Variants in PRDM1 observed in about 807,000 individuals in gnomAD.
PRDM1 encodes PR/SET domain 1, also known as PR domain zinc finger protein 1.
PRDM1 carries 13 observed loss-of-function variants against 62.8 expected under a neutral mutation model. The observed-to-expected ratio is 0.21, with a 90% confidence interval of 0.13 to 0.33. The LOEUF (loss-of-function observed/expected upper bound fraction) is 0.33, where lower values mean the gene tolerates loss of function less well. Ranked by LOEUF, PRDM1 falls within the 10% of genes least tolerant of loss-of-function variation. The pLI, the probability that PRDM1 is intolerant of heterozygous loss-of-function variation, is 1.00. For missense variants in PRDM1, 895 were observed against 1,058.8 expected (o/e 0.85, Z 2.15); for synonymous variants, 396 against 417.6 (o/e 0.95, Z 0.63).
chr6:106,069,473 A>G (rs1167965292), intron 1 of PRDM1, among the ~76,000 whole-genome samples: 7 of 152,206 alleles, frequency 4.6e-5, no homozygotes, highest in Non-Finnish European at 1.0e-4. Context: ...AGCAATAGAT[A>G]CCTGGAATGT....
rs139624112 is a variant in PRDM1, at chr6:106,108,572, T to C, written c.*1086T>C. On this transcript the variant is annotated 3_prime_UTR_variant, in exon 7 of 7. Coordinates refer to ENST00000369096, the MANE Select transcript of PRDM1 (RefSeq NM_001198.4). ...TCAAAATTGCACAAACATGGTGCTCTACCAGGAAGGATTCGAGGTAGATAG... is the reference window on the plus strand; with the variant it reads ...TCAAAATTGCACAAACATGGTGCTCCACCAGGAAGGATTCGAGGTAGATAG... 9.2e-6 allele frequency: 2 copies of C among 217,950 alleles called. No individual in the cohort carries two copies. Among genetic ancestry groups the C allele is most frequent in the Admixed American group, 6.1e-5 (1 of 16,388 alleles). The allele number at this position is 217,950 out of a possible 1,614,324, so 13.5% of individuals were successfully genotyped here.
chr6:106,083,126 C>T (rs1773720665), upstream of PRDM1, among the ~76,000 whole-genome samples: 1 of 151,326 alleles, frequency 6.6e-6, no homozygotes, highest in African/African-American at 2.4e-5. Flanking sequence ...GCCTCAGTGC[C>T]CCTCTCTCAG....
Position 105,994,036 on chromosome 6 carries a change from G to A in PRDM1, c.-67+397G>A, listed in dbSNP as rs1439526811. 6.6e-6 allele frequency among the ~76,000 whole-genome samples: 1 copy of A among 152,194 alleles called. No homozygotes were observed. The highest frequency in any genetic ancestry group is 2.4e-5 in the African/African-American group (1 of 41,464). ...GTGAACGGGGGTAAGGTATTTATTT[G>A]TACGCTAGTTGAAGTGGGGCAGGAG... On this transcript the variant is annotated intron_variant, in intron 1 of 6. Coordinates refer to the PRDM1 transcript ENST00000652320. This position sits in a 1 kb window ranked among gnomAD's most constrained non-coding sequence, Gnocchi z 4.1.
At chr6:106,088,055 C>A in intron 1 of PRDM1, 146 bp from the exon 2 acceptor site, 1 of 795,142 alleles carries the variant, frequency 1.3e-6, no homozygotes, top group Non-Finnish European at 1.7e-6. Flanking sequence ...TTACTTTATA[C>A]GGCTTCTTGG....
At chr6:106,104,769 T>A (rs1026010575) in intron 4 of PRDM1, 56 bp from the exon 5 acceptor site, 31 of 1,529,040 alleles carry the variant, frequency 2.0e-5, no homozygotes, top group Non-Finnish European at 2.7e-5. Flanking sequence ...ACTTTGGCAG[T>A]TTTGCTTCAG....
In PRDM1 at chr6:106,107,274, G is replaced by A; in HGVS notation, c.2266G>A (p.Glu756Lys). 1 of 1,614,210 alleles carries A rather than the reference G, an allele frequency of 6.2e-7. No individual in the cohort carries two copies. Among genetic ancestry groups the A allele is most frequent in the Non-Finnish European group, 8.5e-7 (1 of 1,180,036 alleles). ...EDDISVISVV[E>K]KEILAVVRKE... ...TGACATCAGTGTGATCTCTGTAGTG[G>A]AGAAGGAAATTCTGGCCGTGGTCAG... Residue 756 changes from glutamate to lysine, a missense_variant, in exon 7 of 7, where the codon GAG (glutamate) becomes AAG (lysine). By Grantham distance (56) the Glu-to-Lys change is moderately conservative. This residue lies in a region of PRDM1 where 164 missense variants were observed against 179.9 expected (regional missense o/e 0.91). Coordinates refer to ENST00000369096, the MANE Select transcript of PRDM1 (RefSeq NM_001198.4).
intron 1 of PRDM1, among the ~76,000 whole-genome samples, chr6:106,014,291 C>A (rs905419493): frequency 6.6e-6 from 1 of 151,770 alleles, no homozygotes; most frequent in Non-Finnish European, 1.5e-5. Flanking sequence ...AACTTCTGGG[C>A]TCAAGTAATC....
chr6:106,041,896 C>T (rs1414207591), intron 1 of PRDM1, among the ~76,000 whole-genome samples: 1 of 150,768 alleles, frequency 6.6e-6, no homozygotes, highest in African/African-American at 2.4e-5. Context: ...CATCCTCCAC[C>T]TCCTGGGCTC....
chr6:105,994,371 TA>T lies in PRDM1; in HGVS notation c.-67+744del, dbSNP rs11299498. ...ACTGCATTCGCCTAAATTGCGTAAT[TA>T]AAAAAAAAAAATACACCACTGCCAC... is the stretch of plus-strand genomic sequence containing the variant. On this transcript the variant is annotated intron_variant, in intron 1 of 6. Coordinates refer to the PRDM1 transcript ENST00000652320. The surrounding 1 kb of genome is among the most constrained non-coding windows in gnomAD (Gnocchi z 4.1). 0.85 allele frequency among the ~76,000 whole-genome samples: 127,367 copies of T among 149,936 alleles called. 54,222 individuals are homozygous for T. Among genetic ancestry groups the T allele is most frequent in the South Asian group, 0.9 (4,263 of 4,740 alleles).
Position 106,103,213 on chromosome 6 carries a change from C to A in PRDM1, c.665-1612C>A, listed in dbSNP as rs116414468. 8.1e-3 allele frequency among the ~76,000 whole-genome samples: 1,231 copies of A among 152,200 alleles called. 10 individuals carry two copies. The highest frequency in any genetic ancestry group is 0.026 in the African/African-American group (1,092 of 41,520). On this transcript the variant is annotated intron_variant, in intron 4 of 6. Coordinates refer to ENST00000369096, the MANE Select transcript of PRDM1 (RefSeq NM_001198.4). The stretch of plus-strand genomic sequence containing the variant: ...GGCTCGCCCAGGAGGAACTGATAAC[C>A]GCTGGCAGGAGATAACATTCTCTAA...
upstream of PRDM1, among the ~76,000 whole-genome samples, chr6:105,992,878 G>A (rs1041885071): frequency 1.3e-5 from 2 of 152,152 alleles, no homozygotes; most frequent in Non-Finnish European, 2.9e-5. Flanking sequence ...TTGCTTTCTA[G>A]GCGTGTGTCT....
intron 1 of PRDM1, among the ~76,000 whole-genome samples, chr6:106,050,518 A>G (rs958779328): frequency 4.6e-5 from 7 of 152,084 alleles, no homozygotes; most frequent in African/African-American, 1.7e-4. Context: ...TTTTTTTAAC[A>G]TTTACTTTTT....
chr6:106,052,240 A>C (rs1289311703), intron 1 of PRDM1, among the ~76,000 whole-genome samples: 2 of 123,312 alleles, frequency 1.6e-5, no homozygotes, highest in Non-Finnish European at 3.5e-5. Flanking sequence ...AGATATACCA[A>C]AGGAAACCTG....
chr6:106,097,045 A>G (rs921920549), intron 3 of PRDM1, among the ~76,000 whole-genome samples: 3 of 152,292 alleles, frequency 2.0e-5, no homozygotes, highest in African/African-American at 7.2e-5. Flanking sequence ...ATTTTTAGAA[A>G]TTTATCTTAC....
chr6:106,074,172 A>G (rs1773564532), intron 1 of PRDM1, among the ~76,000 whole-genome samples: 1 of 152,198 alleles, frequency 6.6e-6, no homozygotes, highest in African/African-American at 2.4e-5. Flanking sequence ...AAAAAGTGAA[A>G]CAACATTCCA....
At chr6:106,007,938 T>C (rs1337523826) in intron 1 of PRDM1, among the ~76,000 whole-genome samples, 1 of 152,226 alleles carries the variant, frequency 6.6e-6, no homozygotes, top group Non-Finnish European at 1.5e-5. Context: ...CCCTGTGCAT[T>C]CGCTCAATGT....
intron 3 of PRDM1, chr6:106,098,898 G>A: frequency 6.6e-7 from 1 of 1,509,900 alleles, no homozygotes; most frequent in Non-Finnish European, 8.9e-7. Flanking sequence ...CTTCTACCCA[G>A]TGACTCAAAG....
chr6:106,089,972 G>A (rs1047770034), intron 2 of PRDM1, among the ~76,000 whole-genome samples: 21 of 152,236 alleles, frequency 1.4e-4, no homozygotes, highest in South Asian at 6.2e-4. Flanking sequence ...TGTTCTTATC[G>A]TCAGTTCAGC....
chr6:106,107,184 A>G lies in PRDM1; in HGVS notation c.2176A>G (p.Ile726Val). 6.2e-7 allele frequency: 1 copy of G among 1,614,248 alleles called. No homozygotes were observed. The highest frequency in any genetic ancestry group is 8.5e-7 in the Non-Finnish European group (1 of 1,180,046). The part of the protein sequence containing the change: ...PGLPLEDLTR[I>V]NEEIEKFDIS... ...GCTGCCCTTGGAAGATCTGACCCGA[A>G]TCAATGAAGAAATCGAGAAGTTTGA... is the stretch of plus-strand genomic sequence containing the variant. Residue 726 changes from isoleucine to valine, a missense_variant, in exon 7 of 7, where the codon ATC becomes GTC. Coordinates refer to ENST00000369096, the MANE Select transcript of PRDM1 (RefSeq NM_001198.4).
Sources: gnomAD v4.1 joint callset for allele counts (sites outside exome capture counted in the v4.1 genomes callset) on GRCh38, gnomAD v4.1.1 for gene constraint, gnomAD v4.1.1 regional missense constraint, Gnocchi (gnomAD v3.1) non-coding constraint, MANE v1.5 for transcripts, NCBI Gene and HGNC (gene_info 2026-07-23, HGNC 2026-07-21) for gene names.